WDR33: variants seen among roughly 807,000 people sequenced by gnomAD.
WDR33 encodes WD repeat domain 33, also known as pre-mRNA 3' end processing protein WDR33.
A neutral mutation model predicts 164.9 loss-of-function variants in WDR33; 47 were observed. The observed-to-expected ratio is 0.29, with a 90% CI of 0.23 to 0.36. The LOEUF (loss-of-function observed/expected upper bound fraction) is 0.36, where lower values mean the gene tolerates loss of function less well. WDR33 is among the 10% of genes least tolerant of loss of function. The probability of loss-of-function intolerance (pLI) is 1.00; values close to 1 mark genes in which losing one functional copy is unlikely to be tolerated. For missense variants in WDR33, 1,137 were observed against 1,754.1 expected, an observed-to-expected ratio of 0.65 and a Z score of 6.28; for synonymous variants, 505 against 589.0, an observed-to-expected ratio of 0.86 and a Z score of 2.06.
rs1685910655 is a variant in WDR33 at position 127,702,245 on chromosome 2, T to G, written c.*4078A>C. 1 of 1,174,080 alleles carries G rather than the reference T, an allele frequency of 8.5e-7. No individual in the cohort carries two copies. The highest frequency in any genetic ancestry group is 4.6e-5 in the Admixed American group (1 of 21,636). 72.7% of individuals were successfully genotyped at this position (1,174,080 alleles called of 1,614,324 possible). A position where few individuals can be genotyped will look rare whatever the true frequency, so the allele number is the denominator to read the frequency against. On this transcript the variant is annotated 3_prime_UTR_variant, in exon 22 of 22. Coordinates refer to ENST00000322313, the MANE Select transcript of WDR33 (RefSeq NM_018383.5). ...CCGTCGGAGACCGCGCCGGCCGAGC[T>G]GAGGACTGCACGCCGCTGTGCGGAA...
chr2:127,740,637 C>T (rs546227296), intron 7 of WDR33, among the ~76,000 whole-genome samples: 3 of 152,262 alleles, frequency 2.0e-5, no homozygotes, highest in Non-Finnish European at 2.9e-5. Context: ...TTACCTTAAG[C>T]TTCAAGTATA....
At chr2:127,780,633 G>A (rs1187175204) in intron 1 of WDR33, among the ~76,000 whole-genome samples, 1 of 152,124 alleles carries the variant, frequency 6.6e-6, no homozygotes, top group Non-Finnish European at 1.5e-5. Flanking sequence ...GGTGGCCAAG[G>A]TGGGAGGATC....
intron 1 of WDR33, among the ~76,000 whole-genome samples, chr2:127,792,123 G>A (rs950777524): frequency 3.3e-5 from 5 of 151,680 alleles, no homozygotes; most frequent in African/African-American, 1.2e-4. Context: ...ATTTTTAGTA[G>A]AGACTGGGTT....
At position 127,730,909 on chromosome 2, in the gene WDR33, G is replaced by A. The variant is rs191297575; in HGVS notation, c.725-4132C>T. On this transcript the variant is annotated intron_variant, in intron 7 of 21. Coordinates refer to ENST00000322313, the MANE Select transcript of WDR33 (RefSeq NM_018383.5). The stretch of plus-strand genomic sequence containing the variant: ...TGTGAACTCTCGATTTTTTTTGTTT[G>A]TTTGTTTGTTTAGGTATGTTTTTAA... 5.7e-3 allele frequency among the ~76,000 whole-genome samples: 861 copies of A among 150,508 alleles called. 14 individuals carry two copies. Among genetic ancestry groups the A allele is most frequent in the African/African-American group, 0.02 (805 of 40,862 alleles).
chr2:127,801,525 A>C (rs552543746), intron 1 of WDR33, among the ~76,000 whole-genome samples: 109 of 139,772 alleles, frequency 7.8e-4, no homozygotes, highest in South Asian at 6.9e-3. Context: ...CACACAACAA[A>C]AAAAAAAAAA....
At chr2:127,790,047 G>A (rs1688791913) in intron 1 of WDR33, among the ~76,000 whole-genome samples, 1 of 151,978 alleles carries the variant, frequency 6.6e-6, no homozygotes, top group African/African-American at 2.4e-5. Context: ...ATGTTGCCCT[G>A]GCTGGTCTCC....
chr2:127,719,381 C>CG lies in WDR33; in HGVS notation c.2643dup (p.Gly882ArgfsTer31). 6.6e-7 allele frequency: 1 copy of CG among 1,521,368 alleles called. No homozygotes were observed. Among genetic ancestry groups the CG allele is most frequent in the Non-Finnish European group, 8.8e-7 (1 of 1,136,920 alleles). The allele number at this position is 1,521,368 out of a possible 1,614,324, so 94.2% of individuals were successfully genotyped here. ...GCTGGGTTCTGCTGTCCCTGAGGTC[C>CG]GGGGGGTCCTTGCATGCCACCCTGG... On this transcript the variant is annotated frameshift_variant, in exon 16 of 22. Coordinates refer to ENST00000322313, the MANE Select transcript of WDR33 (RefSeq NM_018383.5). LOFTEE classifies it high-confidence loss of function. This position sits in a 1 kb window ranked among gnomAD's most constrained non-coding sequence, Gnocchi z 6.5.
chr2:127,793,994 G>C (rs1688933203), intron 1 of WDR33, among the ~76,000 whole-genome samples: 1 of 152,072 alleles, frequency 6.6e-6, no homozygotes, highest in Non-Finnish European at 1.5e-5. Flanking sequence ...AATTAGCCAG[G>C]AGTGGTGGCG....
intron 7 of WDR33, among the ~76,000 whole-genome samples, chr2:127,754,237 GC>G (rs1300091430): frequency 2.6e-5 from 4 of 152,184 alleles, no homozygotes; most frequent in African/African-American, 9.7e-5. Flanking sequence ...TCTTTGCAAT[GC>G]TTGACTTTCA....
intron 7 of WDR33, among the ~76,000 whole-genome samples, chr2:127,757,068 A>C (rs6718094): frequency 0.02 from 2,986 of 147,180 alleles, 110 homozygotes; most frequent in African/African-American, 0.073. Context: ...CAGACCAAGA[A>C]CCTGTCTCCA....
At chr2:127,777,340 T>C (rs139211254) in intron 1 of WDR33, among the ~76,000 whole-genome samples, 40 of 152,314 alleles carry the variant, frequency 2.6e-4, no homozygotes, top group African/African-American at 9.1e-4. Context: ...GTTTTCAGAC[T>C]TTGTGGTGCC....
chr2:127,768,341 G>A (rs780964215), intron 3 of WDR33, 48 bp from the exon 4 acceptor site: 11 of 1,168,102 alleles, frequency 9.4e-6, no homozygotes, highest in African/African-American at 1.6e-5. Context: ...TTACATACAA[G>A]GCAGAAACCA....
intron 1 of WDR33, among the ~76,000 whole-genome samples, chr2:127,797,889 T>C (rs1273852725): frequency 6.6e-6 from 1 of 151,848 alleles, no homozygotes; most frequent in Non-Finnish European, 1.5e-5. Context: ...GGTACACAAC[T>C]GTGGGTCCCA....
intron 1 of WDR33, among the ~76,000 whole-genome samples, chr2:127,773,006 C>T (rs568992410): frequency 5.9e-5 from 9 of 151,536 alleles, no homozygotes; most frequent in Non-Finnish European, 8.8e-5. Flanking sequence ...TGTGCTGGTG[C>T]GCACCTGTAG....
rs1451602229 is a variant in WDR33 at position 127,796,072 on chromosome 2, TA to T, written c.-24+14939del. Among the ~76,000 whole-genome samples the T allele has an allele frequency of 4.5e-5, 6 of 133,694 alleles. No homozygotes were observed. In the East Asian group the frequency reaches 8.4e-4, roughly 19 times the overall value. 87.7% of individuals were successfully genotyped at this position (133,694 alleles called of 152,430 possible). On this transcript the variant is annotated intron_variant, in intron 1 of 21. Transcript: ENST00000322313. Reference sequence around the variant, plus strand: ...GGTATTAATATTAGGTGATTACTGTTAATTTTTTTTTTTTTTTTTGAGACAG... The same window carrying T: ...GGTATTAATATTAGGTGATTACTGTTATTTTTTTTTTTTTTTTTGAGACAG...
Position 127,711,780 on chromosome 2 carries a change from A to ATATATATATT in WDR33, c.3308+1802_3308+1803insAATATATATA. 1.0e-3 allele frequency among the ~76,000 whole-genome samples: 90 copies of ATATATATATT among 88,300 alleles called. 2 individuals carry two copies. The highest frequency in any genetic ancestry group is 9.7e-3 in the South Asian group (21 of 2,176). 57.9% of individuals were successfully genotyped at this position (88,300 alleles called of 152,430 possible). A position where few individuals can be genotyped will look rare whatever the true frequency, so the allele number is the denominator to read the frequency against. On this transcript the variant is annotated intron_variant, in intron 18 of 21. Coordinates refer to ENST00000322313, the MANE Select transcript of WDR33 (RefSeq NM_018383.5). ...TATATATATATATATATATATATAT[A>ATATATATATT]TTTTTTTTTTGAGACAGAGTCTCGC...
intron 18 of WDR33, among the ~76,000 whole-genome samples, chr2:127,711,780 A>ATATATATTT: frequency 1.1e-5 from 1 of 88,320 alleles, no homozygotes; most frequent in African/African-American, 6.5e-5. Flanking sequence ...ATATATATAT[A>ATATATATTT]TTTTTTTTTT....
chr2:127,711,763 TA>T (rs1558919295), intron 18 of WDR33, among the ~76,000 whole-genome samples: 7 of 84,688 alleles, frequency 8.3e-5, no homozygotes, highest in African/African-American at 6.5e-4. Context: ...TATATATATA[TA>T]TATATATATA....
rs1685920395 is a variant in WDR33, at chr2:127,702,562, A to C, written c.*3761T>G. On this transcript the variant is annotated 3_prime_UTR_variant, in exon 22 of 22. Transcript: ENST00000322313. ...TTTCTCAGGCTGTTTTGTCATTTTA[A>C]AATCCAGTGGTAGATGTAGCTTAGC... The C allele has an allele frequency of 5.9e-6, 1 of 169,792 alleles. No individual in the cohort carries two copies. The highest frequency in any genetic ancestry group is 2.1e-4 in the South Asian group (1 of 4,856). 10.5% of individuals were successfully genotyped at this position (169,792 alleles called of 1,614,324 possible). A position where few individuals can be genotyped will look rare whatever the true frequency, so the allele number is the denominator to read the frequency against.
Sources: allele counts gnomAD v4.1 joint callset (sites outside exome capture counted in the v4.1 genomes callset), GRCh38; gene constraint gnomAD v4.1.1; non-coding constraint Gnocchi (gnomAD v3.1); transcripts MANE v1.5; gene names NCBI Gene and HGNC (gene_info 2026-07-23, HGNC 2026-07-21).